Variants in BICD2 observed in about 807,000 individuals in gnomAD.
BICD2 encodes the protein protein bicaudal D homolog 2.
BICD2 carries 25 observed loss-of-function variants against 72.9 expected under a neutral mutation model. That is an observed-to-expected ratio of 0.34 (90% CI 0.25 to 0.48). BICD2 has a LOEUF of 0.48. BICD2 is among the 20% of genes least tolerant of loss of function. The probability of loss-of-function intolerance (pLI) is 0.99; values close to 1 mark genes in which losing one functional copy is unlikely to be tolerated. For synonymous variants in BICD2, 501 were observed against 516.1 expected (o/e 0.97, Z 0.40); for missense variants, 894 against 1,175.2 (o/e 0.76, Z 3.50).
At chr9:92,760,206 A>G (rs1854343550) in intron 1 of BICD2, among the ~76,000 whole-genome samples, 1 of 152,128 alleles carries the variant, frequency 6.6e-6, no homozygotes, top group East Asian at 1.9e-4. Flanking sequence ...AGGCACCCCC[A>G]GGGGCCCAGG....
At chr9:92,752,564 T>A (rs1237951361) in intron 1 of BICD2, among the ~76,000 whole-genome samples, 1 of 152,058 alleles carries the variant, frequency 6.6e-6, no homozygotes, top group East Asian at 1.9e-4. Flanking sequence ...GCCAAGGAAT[T>A]AAAGACGAGC....
At chr9:92,761,806 A>T (rs758539889) in intron 1 of BICD2, among the ~76,000 whole-genome samples, 18 of 152,256 alleles carry the variant, frequency 1.2e-4, no homozygotes, top group Non-Finnish European at 2.5e-4. Flanking sequence ...GGGGACAGAT[A>T]TGGTCTTAAC....
intron 1 of BICD2, among the ~76,000 whole-genome samples, chr9:92,730,089 C>A (rs144782697): frequency 6.6e-6 from 1 of 152,338 alleles, no homozygotes; most frequent in Non-Finnish European, 1.5e-5. Flanking sequence ...CTCTCCTTCC[C>A]TCCCACTGCC....
rs1389751748 is a variant in BICD2 at position 92,715,379 on chromosome 9, C to T, written c.2343G>A (p.Leu781=). ...AEDEKKTLNS[L]LRMAIQQKLA... ...GCTTCTGCTGGATGGCCATGCGCAG[C>T]AGCGAGTTCAGCGTCTTCTTCTCGT... The change falls in exon 7 of 7, where the codon CTG becomes CTA. Residue 781 remains leucine (L), a synonymous_variant. Transcript: ENST00000356884. The T allele has an allele frequency of 6.2e-7, 1 of 1,611,960 alleles. No individual in the cohort carries two copies. Among genetic ancestry groups the T allele is most frequent in the Admixed American group, 1.7e-5 (1 of 59,986 alleles).
chr9:92,724,970 G>A (rs1301482601), intron 2 of BICD2, among the ~76,000 whole-genome samples: 1 of 152,214 alleles, frequency 6.6e-6, no homozygotes, highest in African/African-American at 2.4e-5. Context: ...AGTGGAAGCT[G>A]AGGGGAAGGT....
rs1399609525 is a variant in BICD2, at chr9:92,719,423, TCTGCCGCTCCTTGCTGGC to T, written c.1204_1221del (p.Ala402_Gln407del). On this transcript the variant is annotated inframe_deletion, in exon 5 of 7. Transcript: ENST00000356884. ...CGGTCCTTCTCGTTGTCCAGGGCTG[TCTGCCGCTCCTTGCTGGC>T]CTGCAGGCGCCGCAGGGCACTCAGA... 6.2e-7 allele frequency: 1 copy of T among 1,614,156 alleles called. No individual in the cohort carries two copies. Among genetic ancestry groups the T allele is most frequent in the Admixed American group, 1.7e-5 (1 of 60,038 alleles).
In BICD2 at chr9:92,729,133, A is replaced by C. The variant is rs760315269; in HGVS notation, c.344T>G (p.Val115Gly). 1 of 1,614,200 alleles carries C rather than the reference A, an allele frequency of 6.2e-7. No individual in the cohort carries two copies. Among genetic ancestry groups the C allele is most frequent in the Non-Finnish European group, 8.5e-7 (1 of 1,180,044 alleles). Residue 115 changes from valine to glycine, a missense_variant, in exon 2 of 7, where the codon GTG becomes GGG. By Grantham distance (109) the Val-to-Gly change is moderately radical (BLOSUM62 -3). This residue lies in a region of BICD2 where 192 missense variants were observed against 243.6 expected (regional missense o/e 0.79). Transcript: ENST00000356884. Reference sequence around the variant, plus strand: ...CGTCTGCAGCTCTAGCACCTTCCGCACGTAGTACTGCTCCTTGGAGGCCGA... The same window carrying C: ...CGTCTGCAGCTCTAGCACCTTCCGCCCGTAGTACTGCTCCTTGGAGGCCGA... ...QESASKEQYYVRKVLELQTEL... is the reference protein window; with the variant it reads ...QESASKEQYYGRKVLELQTEL...
At chr9:92,752,035 C>T (rs1854161057) in intron 1 of BICD2, among the ~76,000 whole-genome samples, 1 of 152,092 alleles carries the variant, frequency 6.6e-6, no homozygotes, top group African/African-American at 2.4e-5. Context: ...GAACTCCTAA[C>T]CTCACGTGAT....
Position 92,720,713 on chromosome 9 carries a change from C to G in BICD2, c.649G>C (p.Glu217Gln). The G allele has an allele frequency of 6.2e-7, 1 of 1,614,164 alleles. No individual in the cohort carries two copies. The highest frequency in any genetic ancestry group is 8.5e-7 in the Non-Finnish European group (1 of 1,180,030). ...GLKHEIKRLE[E>Q]ETEYLNSQLE... is the part of the protein sequence containing the mutation. ...TGGCTGTTGAGGTACTCGGTCTCCT[C>G]CTCCAGACGCTTGATCTCATGCTTG... Residue 217 changes from glutamate (E) to glutamine (Q), a missense_variant, in exon 4 of 7, where the codon GAG (glutamate) becomes CAG (glutamine). Glu to Gln is a conservative substitution (Grantham distance 29). Transcript: ENST00000356884. This position sits in a 1 kb window ranked among gnomAD's most constrained non-coding sequence, Gnocchi z 5.4.
At chr9:92,759,445 G>C (rs1854327221) in intron 1 of BICD2, among the ~76,000 whole-genome samples, 1 of 152,206 alleles carries the variant, frequency 6.6e-6, no homozygotes, top group Non-Finnish European at 1.5e-5. Context: ...GGCCCCCAGT[G>C]ACCTCCTCCT....
intron 2 of BICD2, among the ~76,000 whole-genome samples, chr9:92,728,235 C>T (rs1363565875): frequency 6.6e-6 from 1 of 152,230 alleles, no homozygotes; most frequent in African/African-American, 2.4e-5. Flanking sequence ...AACTCCAGGG[C>T]CTTAGTGTCA....
At chr9:92,728,343 TG>T (rs1853607967) in intron 2 of BICD2, among the ~76,000 whole-genome samples, 1 of 152,238 alleles carries the variant, frequency 6.6e-6, no homozygotes, top group East Asian at 1.9e-4. Context: ...TGCACGGACT[TG>T]GACGGATTCA....
intron 2 of BICD2, among the ~76,000 whole-genome samples, chr9:92,724,186 C>A (rs1200323671): frequency 6.6e-6 from 1 of 152,180 alleles, no homozygotes; most frequent in East Asian, 1.9e-4. Context: ...ATCTTGCGGG[C>A]CCCATAGCTT....
chr9:92,716,343 AAG>A (rs1486034701), intron 6 of BICD2, among the ~76,000 whole-genome samples: 1 of 152,202 alleles, frequency 6.6e-6, no homozygotes. Context: ...CAAATTTTAA[AAG>A]GTAGGGTTTA....
At position 92,764,753 on chromosome 9, in the gene BICD2, A is replaced by G. The variant is rs1370426367; in HGVS notation, c.-9T>C. 9.7e-6 allele frequency: 15 copies of G among 1,548,154 alleles called. 1 individual carries two copies. In the East Asian group the frequency reaches 3.8e-4, roughly 39 times the overall value. On this transcript the variant is annotated 5_prime_UTR_variant, in exon 1 of 7. Transcript: ENST00000356884. The surrounding 1 kb of genome is among the most constrained non-coding windows in gnomAD (Gnocchi z 5.5). ...TCCGACGGCGCCGACATGGTGGCCGAGGGCTGAGCCGGCTCCCACTGAGGC... is the reference window on the plus strand; with the variant it reads ...TCCGACGGCGCCGACATGGTGGCCGGGGGCTGAGCCGGCTCCCACTGAGGC...
At chr9:92,760,080 C>T (rs550168958) in intron 1 of BICD2, among the ~76,000 whole-genome samples, 1 of 152,322 alleles carries the variant, frequency 6.6e-6, no homozygotes, top group East Asian at 1.9e-4. Context: ...GGCAGCGGCT[C>T]ATCCAGGGCC....
intron 1 of BICD2, among the ~76,000 whole-genome samples, chr9:92,758,204 AAAT>A (rs147701766): frequency 0.65 from 93,544 of 144,286 alleles, 31,500 homozygotes; most frequent in East Asian, 0.86. Flanking sequence ...ACTCTGTCTC[AAAT>A]AATAATAATA....
intron 1 of BICD2, among the ~76,000 whole-genome samples, chr9:92,747,708 A>G (rs1854043732): frequency 6.6e-6 from 1 of 152,206 alleles, no homozygotes; most frequent in Non-Finnish European, 1.5e-5. Flanking sequence ...GGGTGGGGCA[A>G]GGCCTCTCAC....
intron 5 of BICD2, 72 bp from the exon 6 acceptor site, chr9:92,718,020 T>G: frequency 2.0e-6 from 3 of 1,534,118 alleles, no homozygotes; most frequent in Non-Finnish European, 2.6e-6. Flanking sequence ...GGGAGCAGGA[T>G]CGGGAGCCCC....
Sources: gnomAD v4.1 joint callset for allele counts (sites outside exome capture counted in the v4.1 genomes callset) on GRCh38, gnomAD v4.1.1 for gene constraint, gnomAD v4.1.1 regional missense constraint, Gnocchi (gnomAD v3.1) non-coding constraint, MANE v1.5 for transcripts, NCBI Gene and HGNC (gene_info 2026-07-23, HGNC 2026-07-21) for gene names.